ZMIZ1: variants seen among roughly 807,000 people sequenced by gnomAD.
ZMIZ1 encodes zinc finger MIZ domain-containing protein 1.
A neutral mutation model predicts 113.9 loss-of-function variants in ZMIZ1; 17 were observed. The observed-to-expected ratio is 0.15, with a 90% CI of 0.10 to 0.22. ZMIZ1 has a LOEUF of 0.22. ZMIZ1 is among the 10% of genes least tolerant of loss of function. The pLI, the probability that ZMIZ1 is intolerant of heterozygous loss-of-function variation, is 1.00. For synonymous variants in ZMIZ1, 607 were observed against 603.1 expected, an observed-to-expected ratio of 1.01 and a Z score of -0.09; for missense variants, 1,059 against 1,477.8, an observed-to-expected ratio of 0.72 and a Z score of 4.65.
intron 7 of ZMIZ1, among the ~76,000 whole-genome samples, chr10:79,273,384 T>C (rs1190042936): frequency 6.6e-6 from 1 of 152,054 alleles, no homozygotes; most frequent in East Asian, 1.9e-4. Context: ...TGGAGGGGAA[T>C]GGAGTCTTGC....
Position 79,313,917 on chromosome 10 carries a change from C to T in ZMIZ1, c.*1168C>T. 2.5e-6 allele frequency: 1 copy of T among 405,130 alleles called. No individual in the cohort carries two copies. 25.1% of individuals were successfully genotyped at this position (405,130 alleles called of 1,614,324 possible). On this transcript the variant is annotated 3_prime_UTR_variant, in exon 25 of 25. Transcript: ENST00000334512. ...CAGAGCCCAGGGCAATGGTGTCTGT[C>T]CAGCCCCTCCCTCTGTCCCTGTGCT...
intron 7 of ZMIZ1, among the ~76,000 whole-genome samples, chr10:79,275,370 C>A (rs1486991441): frequency 1.3e-5 from 2 of 151,966 alleles, no homozygotes; most frequent in Non-Finnish European, 2.9e-5. Context: ...CACCAGGCCC[C>A]CTCCTGGAGG....
chr10:79,122,655 A>G (rs1219680647), intron 2 of ZMIZ1, among the ~76,000 whole-genome samples: 1 of 152,112 alleles, frequency 6.6e-6, no homozygotes, highest in Non-Finnish European at 1.5e-5. Flanking sequence ...CTTGCACTAT[A>G]GAGTTCTCTA....
chr10:79,311,565 C>T (rs1348600236), intron 24 of ZMIZ1, among the ~76,000 whole-genome samples: 6 of 152,088 alleles, frequency 3.9e-5, no homozygotes, highest in African/African-American at 1.2e-4. Flanking sequence ...GAGGGAGAGG[C>T]CGTCTGTCTG....
At chr10:79,134,321 G>A (rs946718) in intron 2 of ZMIZ1, among the ~76,000 whole-genome samples, 1 of 152,198 alleles carries the variant, frequency 6.6e-6, no homozygotes, top group Non-Finnish European at 1.5e-5. Flanking sequence ...GCACTTCCCA[G>A]CAAAACAGTG....
intron 7 of ZMIZ1, among the ~76,000 whole-genome samples, chr10:79,221,229 G>A (rs1426085536): frequency 3.3e-5 from 5 of 152,298 alleles, no homozygotes; most frequent in African/African-American, 7.2e-5. Flanking sequence ...TGAGCCGGCC[G>A]TGGTGCAGGA....
intron 2 of ZMIZ1, among the ~76,000 whole-genome samples, chr10:79,137,060 A>G (rs1170548330): frequency 2.6e-5 from 4 of 152,350 alleles, no homozygotes; most frequent in East Asian, 1.9e-4. Flanking sequence ...TTCTAAATAT[A>G]TATTTGTAAT....
chr10:79,234,321 C>G (rs1259944665), intron 7 of ZMIZ1, among the ~76,000 whole-genome samples: 2 of 152,282 alleles, frequency 1.3e-5, no homozygotes, highest in East Asian at 1.9e-4. Context: ...ACGCCCTTCC[C>G]TGGGCCTCGG....
intron 22 of ZMIZ1, 29 bp from the exon 23 acceptor site, chr10:79,307,371 GACCCC>G: frequency 2.5e-6 from 4 of 1,602,464 alleles, no homozygotes; most frequent in African/African-American, 1.3e-5. Flanking sequence ...CCCTCTGGGT[GACCCC>G]CTCCCCTCCC....
chr10:79,310,817 C>CG, intron 23 of ZMIZ1, 107 bp from the exon 24 acceptor site: 1 of 1,318,932 alleles, frequency 7.6e-7, no homozygotes, highest in Non-Finnish European at 1.0e-6. Flanking sequence ...GGCCACGTTT[C>CG]GGGGGTTGTG....
intron 23 of ZMIZ1, among the ~76,000 whole-genome samples, chr10:79,310,655 G>A (rs1855077773): frequency 1.3e-5 from 2 of 150,944 alleles, no homozygotes; most frequent in Non-Finnish European, 1.5e-5. Context: ...CCCCGTGTCT[G>A]TGCTTGTGTC....
chr10:79,285,813 A>T (rs892978683), intron 8 of ZMIZ1, among the ~76,000 whole-genome samples: 2 of 152,248 alleles, frequency 1.3e-5, no homozygotes, highest in Non-Finnish European at 2.9e-5. Context: ...AGTGGAGTTC[A>T]GTACCTTCTG....
intron 7 of ZMIZ1, among the ~76,000 whole-genome samples, chr10:79,241,299 G>T (rs890563772): frequency 3.3e-5 from 5 of 152,218 alleles, no homozygotes; most frequent in African/African-American, 1.2e-4. Context: ...AGGATCTGCA[G>T]TGGGGAGATG....
At chr10:79,171,374 C>G (rs1464195382) in intron 4 of ZMIZ1, among the ~76,000 whole-genome samples, 2 of 152,206 alleles carry the variant, frequency 1.3e-5, no homozygotes, top group African/African-American at 4.8e-5. Flanking sequence ...GGGGCCAGAG[C>G]TTTGTCTCCT....
chr10:79,276,565 C>T (rs1164854373), intron 7 of ZMIZ1, among the ~76,000 whole-genome samples: 2 of 152,150 alleles, frequency 1.3e-5, no homozygotes, highest in Admixed American at 6.5e-5. Context: ...CATTTGTGCC[C>T]AGCAGAGCAG....
At chr10:79,204,191 G>A (rs1848217370) in intron 5 of ZMIZ1, among the ~76,000 whole-genome samples, 1 of 152,146 alleles carries the variant, frequency 6.6e-6, no homozygotes, top group Non-Finnish European at 1.5e-5. Context: ...AGGCTGGTAG[G>A]GGCTCACCTC....
chr10:79,182,387 G>A (rs1589388122), intron 4 of ZMIZ1, among the ~76,000 whole-genome samples: 2 of 151,924 alleles, frequency 1.3e-5, no homozygotes, highest in African/African-American at 4.8e-5. Context: ...TATCGACTGG[G>A]TGACTGCAGA....
At chr10:79,277,540 G>C (rs1410717476) in intron 8 of ZMIZ1, among the ~76,000 whole-genome samples, 1 of 152,238 alleles carries the variant, frequency 6.6e-6, no homozygotes, top group Non-Finnish European at 1.5e-5. Flanking sequence ...GGTGGAGGCT[G>C]TTTTTCTTCA....
intron 3 of ZMIZ1, among the ~76,000 whole-genome samples, chr10:79,147,921 C>T (rs1487348075): frequency 6.6e-6 from 1 of 152,224 alleles, no homozygotes; most frequent in Non-Finnish European, 1.5e-5. Context: ...TCCTAGCCCA[C>T]ATGGGGAGCA....
Sources: allele counts gnomAD v4.1 joint callset (sites outside exome capture counted in the v4.1 genomes callset), GRCh38; gene constraint gnomAD v4.1.1; transcripts MANE v1.5; gene names NCBI Gene and HGNC (gene_info 2026-07-23, HGNC 2026-07-21).